PCDHGA6: variants seen among roughly 807,000 people sequenced by gnomAD.
PCDHGA6 encodes the protein protocadherin gamma-A6.
A neutral mutation model predicts 60.6 loss-of-function variants in PCDHGA6; 41 were observed. The ratio of observed to expected loss-of-function variants is 0.68; its 90% CI spans 0.53 to 0.88. The LOEUF (loss-of-function observed/expected upper bound fraction) is 0.88. Among genes scored for constraint, PCDHGA6 ranks in the 40% least tolerant of loss-of-function variants. The probability of loss-of-function intolerance (pLI) is 0.00; values close to 1 mark genes in which losing one functional copy is unlikely to be tolerated. For synonymous variants in PCDHGA6, 594 were observed against 524.4 expected (o/e 1.13, Z -1.81); for missense variants, 1,312 against 1,203.0 (o/e 1.09, Z -1.34).
intron 1 of PCDHGA6, chr5:141,412,079 T>C (rs148830663): frequency 3.3e-4 from 50 of 152,342 alleles, no homozygotes; most frequent in African/African-American, 1.1e-3. Context: ...GAACAATTGC[T>C]ACTGGGTTGA....
intron 2 of PCDHGA6, among the ~76,000 whole-genome samples, chr5:141,504,621 T>A (rs1185981312): frequency 7.9e-6 from 1 of 126,856 alleles, no homozygotes; most frequent in Non-Finnish European, 1.6e-5. Flanking sequence ...GATAGGAAAG[T>A]GCACCTTGGA....
intron 1 of PCDHGA6, among the ~76,000 whole-genome samples, chr5:141,447,863 A>G (rs553375129): frequency 6.6e-6 from 1 of 152,254 alleles, no homozygotes; most frequent in East Asian, 1.9e-4. Flanking sequence ...AGGTGGGTGA[A>G]TCATCTGAGG....
intron 1 of PCDHGA6, chr5:141,433,145 G>C (rs2097571427): frequency 6.2e-7 from 1 of 1,613,922 alleles, no homozygotes; most frequent in Non-Finnish European, 8.5e-7. Flanking sequence ...GCTGTCAGGT[G>C]ATTCGGTATT....
intron 1 of PCDHGA6, among the ~76,000 whole-genome samples, chr5:141,472,113 A>G (rs1296591849): frequency 1.3e-5 from 2 of 152,260 alleles, no homozygotes; most frequent in East Asian, 3.8e-4. Flanking sequence ...ATACATAAAG[A>G]AAATAAAAGA....
chr5:141,485,986 G>T lies in PCDHGA6; in HGVS notation c.2425-8821G>T, dbSNP rs2099622467. The T allele has an allele frequency of 1.2e-6, 2 of 1,614,084 alleles. No homozygotes were observed. Among genetic ancestry groups the T allele is most frequent in the African/African-American group, 1.3e-5 (1 of 74,936 alleles). On this transcript the variant is annotated intron_variant, in intron 1 of 3. Transcript: ENST00000517434. This position sits in a 1 kb window ranked among gnomAD's most constrained non-coding sequence, Gnocchi z 5.7. ...AGCTCAATGCCTCAGACCCGGACCT[G>T]GGTCCCAGTGGTAACGTCACCTTTT...
Position 141,487,820 on chromosome 5 carries a change from G to A in PCDHGA6, c.2425-6987G>A, listed in dbSNP as rs1024593393. 8 of 1,293,652 alleles carry A rather than the reference G, an allele frequency of 6.2e-6. No individual in the cohort carries two copies. The highest frequency in any genetic ancestry group is 3.7e-4 in the Middle Eastern group (2 of 5,382). 80.1% of individuals were successfully genotyped at this position (1,293,652 alleles called of 1,614,324 possible). A position where few individuals can be genotyped will look rare whatever the true frequency, so the allele number is the denominator to read the frequency against. On this transcript the variant is annotated intron_variant, in intron 1 of 3. Transcript: ENST00000517434. This position sits in a 1 kb window ranked among gnomAD's most constrained non-coding sequence, Gnocchi z 5.0. ...GTTGTCACAGTTTAGCATTGGGGGC[G>A]GGTCATGCCTATATCTGAGTAAGAA...
intron 1 of PCDHGA6, among the ~76,000 whole-genome samples, chr5:141,451,724 A>G (rs2098722682): frequency 6.6e-6 from 1 of 152,170 alleles, no homozygotes; most frequent in Non-Finnish European, 1.5e-5. Context: ...TCTACTAAAA[A>G]TACAAAAATT....
intron 1 of PCDHGA6, chr5:141,383,199 G>T (rs574670513): frequency 6.2e-7 from 1 of 1,614,040 alleles, no homozygotes; most frequent in South Asian, 1.1e-5. Flanking sequence ...CTCAGAGTGC[G>T]CGGTGTCTGG....
rs190955361 is a variant in PCDHGA6, at chr5:141,486,090, G to A, written c.2425-8717G>A. On this transcript the variant is annotated intron_variant, in intron 1 of 3. Transcript: ENST00000517434. The surrounding 1 kb of genome is among the most constrained non-coding windows in gnomAD (Gnocchi z 5.0). ...ACTACTGGAAAGCTTACTCTTTTGG[G>A]GCCCCTAGACTTTGAGAGTGAGAAT... 3 of 1,614,086 alleles carry A rather than the reference G, an allele frequency of 1.9e-6. No homozygotes were observed. The highest frequency in any genetic ancestry group is 1.6e-4 in the Middle Eastern group (1 of 6,062).
At chr5:141,397,024 A>G (rs188506780) in intron 1 of PCDHGA6, among the ~76,000 whole-genome samples, 30 of 152,358 alleles carry the variant, frequency 2.0e-4, no homozygotes, top group African/African-American at 7.2e-4. Flanking sequence ...AAGGTTGACC[A>G]ATGTCCACAA....
chr5:141,383,264 A>T, intron 1 of PCDHGA6: 1 of 1,613,962 alleles, frequency 6.2e-7, no homozygotes, highest in Non-Finnish European at 8.5e-7. Context: ...ATAGACGTGG[A>T]AATAATAGAT....
At chr5:141,502,534 C>T (rs565889110) in intron 2 of PCDHGA6, among the ~76,000 whole-genome samples, 10 of 152,074 alleles carry the variant, frequency 6.6e-5, no homozygotes, top group Non-Finnish European at 1.0e-4. Context: ...CGAGTTTGTT[C>T]GTGTGGTAAA....
intron 1 of PCDHGA6, chr5:141,392,860 T>A (rs726684): frequency 2.5e-6 from 4 of 1,612,016 alleles, no homozygotes; most frequent in Admixed American, 3.4e-5. Flanking sequence ...CTGATCCTGC[T>A]GTGCGCGCTG....
chr5:141,431,724 T>G lies in PCDHGA6; in HGVS notation c.2424+55217T>G, dbSNP rs758754345. On this transcript the variant is annotated intron_variant, in intron 1 of 3. Transcript: ENST00000517434. The surrounding 1 kb of genome is among the most constrained non-coding windows in gnomAD (Gnocchi z 4.8). ...TTCTACCAGATGGAAGTGCAAGCAA[T>G]GGATAATGCAGGATATTCTGCGCGA... 1 of 1,614,036 alleles carries G rather than the reference T, an allele frequency of 6.2e-7. No individual in the cohort carries two copies. Among genetic ancestry groups the G allele is most frequent in the Non-Finnish European group, 8.5e-7 (1 of 1,180,036 alleles).
chr5:141,416,308 T>C (rs1472911605), intron 1 of PCDHGA6: 1 of 152,266 alleles, frequency 6.6e-6, no homozygotes, highest in East Asian at 1.9e-4. Context: ...ATGTGGAAGA[T>C]ATAGCATTTT....
intron 1 of PCDHGA6, among the ~76,000 whole-genome samples, chr5:141,382,133 T>A (rs1420684997): frequency 6.6e-6 from 1 of 152,068 alleles, no homozygotes; most frequent in Non-Finnish European, 1.5e-5. Context: ...TGGCCCCCCC[T>A]CTCATTTTTT....
Position 141,476,376 on chromosome 5 carries a change from T to C in PCDHGA6, c.2425-18431T>C. ...GTGAACCGGGAGACCGGAGAGATGT[T>C]TGTGAACGACCGTCTGGATCGAGAG... On this transcript the variant is annotated intron_variant, in intron 1 of 3. Coordinates refer to ENST00000517434, the MANE Select transcript of PCDHGA6 (RefSeq NM_018919.3). The surrounding 1 kb of genome is among the most constrained non-coding windows in gnomAD (Gnocchi z 7.6). The C allele has an allele frequency of 6.2e-7, 1 of 1,614,060 alleles. No homozygotes were observed. Among genetic ancestry groups the C allele is most frequent in the Non-Finnish European group, 8.5e-7 (1 of 1,180,004 alleles).
Position 141,385,307 on chromosome 5 carries a change from A to G in PCDHGA6, c.2424+8800A>G, listed in dbSNP as rs766207712. The stretch of plus-strand genomic sequence containing the variant: ...GTAGATTTTCAGGAATGTAAAGAAA[A>G]CCTGCCAAGTATTCAGGTGAGCCCA... On this transcript the variant is annotated intron_variant, in intron 1 of 3. Transcript: ENST00000517434. 19 of 1,612,402 alleles carry G rather than the reference A, an allele frequency of 1.2e-5. No homozygotes were observed. Among genetic ancestry groups the G allele is most frequent in the African/African-American group, 2.7e-5 (2 of 74,932 alleles).
In PCDHGA6 at chr5:141,375,828, C is replaced by T; in HGVS notation, c.1745C>T (p.Ala582Val). The change falls in exon 1 of 4, where the codon GCA becomes GTA. Residue 582 changes from alanine (A) to valine (V), a missense_variant. Physicochemically the swap from Ala to Val is moderately conservative, Grantham distance 64 (BLOSUM62 0). Transcript: ENST00000517434. ...STGVELAPRSAEPGYLVTKVV... is the reference protein window; with the variant it reads ...STGVELAPRSVEPGYLVTKVV... ...GGCGTGGAGCTGGCGCCCCGCTCCG[C>T]AGAGCCCGGCTACCTGGTGACCAAG... The T allele has an allele frequency of 6.2e-7, 1 of 1,614,168 alleles. No homozygotes were observed.
Sources: gnomAD v4.1 joint callset for allele counts (sites outside exome capture counted in the v4.1 genomes callset) on GRCh38, gnomAD v4.1.1 for gene constraint, Gnocchi (gnomAD v3.1) non-coding constraint, MANE v1.5 for transcripts, NCBI Gene and HGNC (gene_info 2026-07-23, HGNC 2026-07-21) for gene names.